The following GALNT1 variants were observed in gnomAD, a reference collection of about 807,000 sequenced individuals.
The protein encoded by GALNT1 is polypeptide N-acetylgalactosaminyltransferase 1.
Under a neutral mutation model 65.7 loss-of-function variants are expected in GALNT1, and 17 were observed. The ratio of observed to expected loss-of-function variants is 0.26; its 90% CI spans 0.18 to 0.39. The LOEUF is 0.39. Among genes scored for constraint, GALNT1 ranks in the 10% least tolerant of loss-of-function variants. The pLI is 1.00. For synonymous variants in GALNT1, 210 were observed against 219.7 expected, an observed-to-expected ratio of 0.96 and a Z score of 0.39; for missense variants, 460 against 672.8, an observed-to-expected ratio of 0.68 and a Z score of 3.50.
intron 5 of GALNT1, among the ~76,000 whole-genome samples, chr18:35,685,231 T>C (rs73948121): frequency 0.1 from 15,608 of 152,128 alleles, 1,002 homozygotes; most frequent in African/African-American, 0.19. Context: ...CACACACACG[T>C]GCACGTATGC....
At chr18:35,589,270 G>A (rs1231551478) in intron 1 of GALNT1, among the ~76,000 whole-genome samples, 1 of 152,058 alleles carries the variant, frequency 6.6e-6, no homozygotes, top group African/African-American at 2.4e-5. Flanking sequence ...TGAAAGCTTG[G>A]GCTCCCTACT....
chr18:35,635,211 C>T (rs1396889389), intron 1 of GALNT1, among the ~76,000 whole-genome samples: 5 of 152,114 alleles, frequency 3.3e-5, no homozygotes, highest in African/African-American at 1.2e-4. Context: ...GCTTTTCTCT[C>T]CAGCAGTGAG....
rs1272971208 is a variant in GALNT1, at chr18:35,691,073, G to A, written c.1040G>A (p.Arg347Gln). 1.2e-6 allele frequency: 2 copies of A among 1,610,962 alleles called. No homozygotes were observed. The highest frequency in any genetic ancestry group is 1.7e-6 in the Non-Finnish European group (2 of 1,178,818). ...VTCSHVGHVF[R>Q]KATPYTFPGG... Reference sequence around the variant, plus strand: ...TGCTCACATGTTGGACATGTGTTTCGGAAAGCTACACCTTACACGTTTCCA... The same window carrying A: ...TGCTCACATGTTGGACATGTGTTTCAGAAAGCTACACCTTACACGTTTCCA... Residue 347 changes from arginine to glutamine, a missense_variant, in exon 8 of 12, where the codon CGG becomes CAG. Transcript: ENST00000269195.
At chr18:35,687,660 A>C (rs1199172267) in intron 6 of GALNT1, among the ~76,000 whole-genome samples, 1 of 152,206 alleles carries the variant, frequency 6.6e-6, no homozygotes, top group Non-Finnish European at 1.5e-5. Flanking sequence ...AATAGCTAGA[A>C]TTGACACAAA....
intron 1 of GALNT1, among the ~76,000 whole-genome samples, chr18:35,599,147 G>A (rs1030111992): frequency 5.9e-5 from 9 of 151,876 alleles, no homozygotes; most frequent in African/African-American, 1.9e-4. Flanking sequence ...TAGTTTACAG[G>A]TGTTTTCTCC....
Position 35,654,817 on chromosome 18 carries a change from TA to T in GALNT1, c.139+18del. The T allele has an allele frequency of 6.5e-7, 1 of 1,544,334 alleles. No individual in the cohort carries two copies. The highest frequency in any genetic ancestry group is 1.4e-5 in the African/African-American group (1 of 72,442). On this transcript the variant is annotated intron_variant, in intron 2 of 11. Transcript: ENST00000269195. Reference sequence around the variant, plus strand: ...GCTGGAGATGGTGAGTGACATTTTATAATAGAGCTGTTTTAACTACTATATC... The same window carrying T: ...GCTGGAGATGGTGAGTGACATTTTATATAGAGCTGTTTTAACTACTATATC...
intron 2 of GALNT1, among the ~76,000 whole-genome samples, chr18:35,661,487 G>A (rs1205325904): frequency 1.3e-5 from 2 of 150,586 alleles, no homozygotes; most frequent in African/African-American, 4.9e-5. Flanking sequence ...GTGACAGAGC[G>A]AGACTCTGTC....
intron 2 of GALNT1, among the ~76,000 whole-genome samples, chr18:35,663,146 G>A (rs1490313700): frequency 6.6e-6 from 1 of 152,192 alleles, no homozygotes; most frequent in Non-Finnish European, 1.5e-5. Flanking sequence ...AAGCCGTGAG[G>A]GGATGTGAGC....
chr18:35,589,556 A>G (rs1199084136), intron 1 of GALNT1, among the ~76,000 whole-genome samples: 1 of 152,176 alleles, frequency 6.6e-6, no homozygotes, highest in Non-Finnish European at 1.5e-5. Context: ...CAACTCCAGA[A>G]AGCTGGGATA....
rs2046769021 is a variant in GALNT1 at position 35,615,285 on chromosome 18, A to G, written c.-104+33423A>G. On this transcript the variant is annotated intron_variant, in intron 1 of 11. Coordinates refer to ENST00000269195, the MANE Select transcript of GALNT1 (RefSeq NM_020474.4). ...GGAAGGAAGTTAAGGCAAAAACCAG[A>G]ACTCTAAGTACGTGGAAAGCTAATA... Among the ~76,000 whole-genome samples the G allele has an allele frequency of 2.0e-5, 3 of 152,224 alleles. No individual in the cohort carries two copies. The South Asian group carries it at 6.2e-4, about 31-fold the overall frequency.
chr18:35,702,025 T>G lies in GALNT1; in HGVS notation c.1300-872T>G, dbSNP rs183909430. Among the ~76,000 whole-genome samples, 16 of 152,324 alleles carry G rather than the reference T, an allele frequency of 1.1e-4. No individual in the cohort carries two copies. The East Asian group carries it at 2.9e-3, about 28-fold the overall frequency. On this transcript the variant is annotated intron_variant, in intron 9 of 11. Transcript: ENST00000269195. ...CCCCCAGTTCCTGATCTCAAAAGGT[T>G]TAGGTAACTTGTATTTAAACCTGAG...
intron 1 of GALNT1, among the ~76,000 whole-genome samples, chr18:35,598,309 A>C (rs750732215): frequency 6.6e-6 from 1 of 151,974 alleles, no homozygotes; most frequent in Non-Finnish European, 1.5e-5. Flanking sequence ...TATTGGGATT[A>C]CAGGCGTGAG....
chr18:35,658,835 G>A (rs1488500844), intron 2 of GALNT1, among the ~76,000 whole-genome samples: 1 of 151,502 alleles, frequency 6.6e-6, no homozygotes, highest in Non-Finnish European at 1.5e-5. Context: ...CCAGCCTCCC[G>A]AGTTGCTGGG....
At chr18:35,586,455 AT>A (rs963331641) in intron 1 of GALNT1, among the ~76,000 whole-genome samples, 1 of 151,934 alleles carries the variant, frequency 6.6e-6, no homozygotes, top group Non-Finnish European at 1.5e-5. Flanking sequence ...TTCTCAGTTT[AT>A]TTTTTTATGG....
At chr18:35,640,533 T>G (rs548151176) in intron 1 of GALNT1, among the ~76,000 whole-genome samples, 8 of 152,344 alleles carry the variant, frequency 5.3e-5, no homozygotes, top group African/African-American at 1.9e-4. Flanking sequence ...TATTTATAGA[T>G]TTATTTCAAT....
intron 9 of GALNT1, among the ~76,000 whole-genome samples, chr18:35,699,775 A>ATTC (rs35220942): frequency 0.23 from 34,458 of 152,008 alleles, 4,421 homozygotes; most frequent in African/African-American, 0.34. Context: ...CTGTTTTAAA[A>ATTC]TTTTTTCAAA....
intron 1 of GALNT1, among the ~76,000 whole-genome samples, chr18:35,647,202 G>C (rs1306516626): frequency 2.0e-5 from 3 of 152,084 alleles, no homozygotes; most frequent in Non-Finnish European, 4.4e-5. Context: ...TCTTTCTTAG[G>C]GAAGCCTTTT....
At position 35,648,568 on chromosome 18, in the gene GALNT1, C is replaced by T. The variant is rs115453334; in HGVS notation, c.-103-5992C>T. 9.0e-3 allele frequency among the ~76,000 whole-genome samples: 1,364 copies of T among 152,256 alleles called. 22 individuals are homozygous for T. The highest frequency in any genetic ancestry group is 0.029 in the African/African-American group (1,221 of 41,540). Reference sequence around the variant, plus strand: ...TAAAAATAAGTAGTTAAATGCATTTCAAATGGAAGGTTTTAACTTATGTGG... The same window carrying T: ...TAAAAATAAGTAGTTAAATGCATTTTAAATGGAAGGTTTTAACTTATGTGG... On this transcript the variant is annotated intron_variant, in intron 1 of 11. Transcript: ENST00000269195.
At chr18:35,697,149 C>T (rs1160793446) in intron 9 of GALNT1, among the ~76,000 whole-genome samples, 5 of 152,106 alleles carry the variant, frequency 3.3e-5, no homozygotes, top group African/African-American at 1.2e-4. Context: ...AGAAAACCAA[C>T]GGTTACTGTG....
Sources: gnomAD v4.1 joint callset for allele counts (sites outside exome capture counted in the v4.1 genomes callset) on GRCh38, gnomAD v4.1.1 for gene constraint, MANE v1.5 for transcripts, NCBI Gene and HGNC (gene_info 2026-07-23, HGNC 2026-07-21) for gene names.